The following CMSS1 variants were observed in gnomAD, a reference collection of about 807,000 sequenced individuals.
CMSS1 encodes cms1 ribosomal small subunit homolog.
In CMSS1, 33 loss-of-function variants were observed where a neutral mutation model predicts 43.5. That is an observed-to-expected ratio of 0.76 (90% CI 0.57 to 1.01). The LOEUF is 1.01. Among genes scored for constraint, CMSS1 ranks in the 50% least tolerant of loss-of-function variants. The pLI is 0.00. For missense variants in CMSS1, 313 were observed against 326.4 expected, an observed-to-expected ratio of 0.96 and a Z score of 0.32; for synonymous variants, 115 against 117.2, an observed-to-expected ratio of 0.98 and a Z score of 0.12.
At chr3:99,821,778 T>C (rs1942443964) in intron 1 of CMSS1, among the ~76,000 whole-genome samples, 1 of 151,736 alleles carries the variant, frequency 6.6e-6, no homozygotes. Context: ...AAAATGTCAC[T>C]TGAGGGCCTG....
chr3:100,132,643 C>T (rs570409879), intron 1 of CMSS1, among the ~76,000 whole-genome samples: 3 of 151,844 alleles, frequency 2.0e-5, no homozygotes, highest in Admixed American at 1.3e-4. Flanking sequence ...CATGGTGAAA[C>T]CCCGTCTCTA....
At chr3:100,136,275 T>C (rs1418680948) in intron 1 of CMSS1, among the ~76,000 whole-genome samples, 1 of 151,774 alleles carries the variant, frequency 6.6e-6, no homozygotes, top group African/African-American at 2.4e-5. Context: ...AAGGAAGAGA[T>C]GATAACTAGA....
At chr3:99,858,127 T>C (rs1043743433) in intron 1 of CMSS1, among the ~76,000 whole-genome samples, 2 of 152,164 alleles carry the variant, frequency 1.3e-5, no homozygotes, top group South Asian at 4.1e-4. Context: ...GTATGGGCTG[T>C]ATCTATCTCT....
chr3:100,066,960 T>C (rs1434399511), intron 1 of CMSS1, among the ~76,000 whole-genome samples: 1 of 152,196 alleles, frequency 6.6e-6, no homozygotes, highest in Non-Finnish European at 1.5e-5. Context: ...AATATTTGTC[T>C]TCTTTAGAAG....
chr3:100,176,108 G>C (rs2067146168), intron 8 of CMSS1: 2 of 411,760 alleles, frequency 4.9e-6, no homozygotes, highest in South Asian at 8.2e-5. Context: ...CAGTTTCTCT[G>C]CTTTCCTCAG....
chr3:99,920,150 C>G (rs1707080069), intron 1 of CMSS1, among the ~76,000 whole-genome samples: 1 of 152,144 alleles, frequency 6.6e-6, no homozygotes, highest in African/African-American at 2.4e-5. Context: ...TATTTCTTTC[C>G]TGCTTTAGTT....
intron 1 of CMSS1, among the ~76,000 whole-genome samples, chr3:99,894,053 G>A (rs1358422003): frequency 6.6e-6 from 1 of 152,124 alleles, no homozygotes; most frequent in African/African-American, 2.4e-5. Flanking sequence ...GCATATAATA[G>A]CTTCAGTAAA....
intron 1 of CMSS1, among the ~76,000 whole-genome samples, chr3:99,921,357 A>G (rs1559688566): frequency 6.6e-6 from 1 of 152,126 alleles, no homozygotes; most frequent in Admixed American, 6.6e-5. Flanking sequence ...TTTGATGCAC[A>G]TGGCCTTAAA....
At chr3:100,063,366 A>C (rs2065606896) in intron 1 of CMSS1, among the ~76,000 whole-genome samples, 3 of 152,190 alleles carry the variant, frequency 2.0e-5, no homozygotes. Flanking sequence ...GGTCTGAATG[A>C]CTTATTACTA....
At chr3:99,965,477 T>C (rs555136391) in intron 1 of CMSS1, among the ~76,000 whole-genome samples, 2 of 152,356 alleles carry the variant, frequency 1.3e-5, no homozygotes, top group East Asian at 3.9e-4. Context: ...GGAATTGAGA[T>C]AAATGTTAAA....
intron 1 of CMSS1, among the ~76,000 whole-genome samples, chr3:100,132,180 T>C (rs1334127072): frequency 1.3e-5 from 2 of 151,766 alleles, no homozygotes; most frequent in African/African-American, 4.8e-5. Context: ...CCAAGGCAGA[T>C]TGCTTAAGGC....
At chr3:99,862,091 CA>C (rs554691597) in intron 1 of CMSS1, among the ~76,000 whole-genome samples, 309 of 152,008 alleles carry the variant, frequency 2.0e-3, no homozygotes, top group African/African-American at 7.0e-3. Context: ...GTTCTCACCA[CA>C]AAAAAATGAT....
chr3:99,909,212 T>C (rs1458318770), intron 1 of CMSS1, among the ~76,000 whole-genome samples: 1 of 152,210 alleles, frequency 6.6e-6, no homozygotes, highest in East Asian at 1.9e-4. Flanking sequence ...AGTTCTGGCC[T>C]CTTCTCATAA....
chr3:100,166,676 T>C (rs1221755007), intron 5 of CMSS1, among the ~76,000 whole-genome samples: 2 of 152,196 alleles, frequency 1.3e-5, no homozygotes, highest in African/African-American at 4.8e-5. Context: ...TCTGTTTGCA[T>C]GTTTACCACT....
chr3:99,879,772 G>A (rs1372797979), intron 1 of CMSS1, among the ~76,000 whole-genome samples: 1 of 152,094 alleles, frequency 6.6e-6, no homozygotes, highest in African/African-American at 2.4e-5. Flanking sequence ...TAGTATATAT[G>A]GAAACACTGT....
chr3:100,172,149 C>A, intron 7 of CMSS1, 167 bp from the exon 8 acceptor site: 1 of 657,090 alleles, frequency 1.5e-6, no homozygotes, highest in Non-Finnish European at 2.6e-6. Context: ...TGAAGATTAC[C>A]AGTTTTCTAG....
intron 1 of CMSS1, among the ~76,000 whole-genome samples, chr3:99,891,739 C>A (rs1342574424): frequency 8.5e-5 from 13 of 152,072 alleles, no homozygotes; most frequent in Non-Finnish European, 1.5e-5. Context: ...TTTAGCTTAA[C>A]CCAGTACAGA....
rs34256109 is a variant in CMSS1, at chr3:99,984,052, A to ATGTGTGTGTGTGTG, written c.65-162914_65-162913insGTGTGTGTGTGTGT. ...TTAGCATGAAAAAGGATGTATATGTATGTGTGTTTGTGTGTGTGTGTGTGT... is the reference window on the plus strand; with the variant it reads ...TTAGCATGAAAAAGGATGTATATGTATGTGTGTGTGTGTGTGTGTGTTTGTGTGTGTGTGTGTGT... On this transcript the variant is annotated intron_variant, in intron 1 of 9. Coordinates refer to ENST00000421999, the MANE Select transcript of CMSS1 (RefSeq NM_032359.4). Among the ~76,000 whole-genome samples, 24 of 151,286 alleles carry ATGTGTGTGTGTGTG rather than the reference A, an allele frequency of 1.6e-4. 1 individual carries two copies. The highest frequency in any genetic ancestry group is 5.6e-4 in the African/African-American group (23 of 41,176).
intron 1 of CMSS1, among the ~76,000 whole-genome samples, chr3:100,082,140 C>T (rs972602001): frequency 6.6e-6 from 1 of 152,140 alleles, no homozygotes; most frequent in Admixed American, 6.5e-5. Flanking sequence ...TTGCAAAATA[C>T]AAACAACTCT....
Sources: allele counts gnomAD v4.1 joint callset (sites outside exome capture counted in the v4.1 genomes callset), GRCh38; gene constraint gnomAD v4.1.1; transcripts MANE v1.5; gene names NCBI Gene and HGNC (gene_info 2026-07-23, HGNC 2026-07-21).